ZBTB11: variants seen among roughly 807,000 people sequenced by gnomAD.
The protein encoded by ZBTB11 is zinc finger and BTB domain-containing protein 11.
Under a neutral mutation model 113.1 loss-of-function variants are expected in ZBTB11, and 68 were observed. The ratio of observed to expected loss-of-function variants is 0.60; its 90% CI spans 0.49 to 0.74. The LOEUF is 0.74. ZBTB11 is among the 30% of genes least tolerant of loss of function. The probability of loss-of-function intolerance (pLI) is 0.00; values close to 1 mark genes in which losing one functional copy is unlikely to be tolerated. For missense variants in ZBTB11, 1,104 were observed against 1,279.4 expected, an observed-to-expected ratio of 0.86 and a Z score of 2.09; for synonymous variants, 518 against 452.6, an observed-to-expected ratio of 1.14 and a Z score of -1.83.
intron 6 of ZBTB11, 96 bp from the exon 7 acceptor site, chr3:101,656,344 A>T: frequency 1.4e-6 from 1 of 714,016 alleles, no homozygotes; most frequent in Non-Finnish European, 1.9e-6. Flanking sequence ...ATTTTAAATA[A>T]ATATTTAAAT....
At chr3:101,666,754 TTTTG>T (rs775343347) in intron 3 of ZBTB11, among the ~76,000 whole-genome samples, 2 of 152,124 alleles carry the variant, frequency 1.3e-5, no homozygotes, top group Non-Finnish European at 2.9e-5. Flanking sequence ...ATTTATTTAT[TTTTG>T]TTTATTTTTT....
chr3:101,671,565 A>C, intron 2 of ZBTB11: 1 of 586,354 alleles, frequency 1.7e-6, no homozygotes, highest in South Asian at 2.3e-5. Context: ...CCTAATGAAA[A>C]TCTGTATCTC....
At chr3:101,661,337 A>G (rs1936884141) in intron 5 of ZBTB11, among the ~76,000 whole-genome samples, 2 of 152,112 alleles carry the variant, frequency 1.3e-5, no homozygotes, top group South Asian at 4.1e-4. Context: ...GTCTTGATGA[A>G]TCCCTTGGAC....
At chr3:101,664,355 G>A (rs1936943158) in intron 5 of ZBTB11, among the ~76,000 whole-genome samples, 183 bp downstream of exon 5, 2 of 152,200 alleles carry the variant, frequency 1.3e-5, no homozygotes, top group Non-Finnish European at 2.9e-5. Flanking sequence ...AGAGGAAGCA[G>A]AGATAAGGCT....
chr3:101,657,034 G>A (rs145676729), intron 6 of ZBTB11, among the ~76,000 whole-genome samples: 4,534 of 151,444 alleles, frequency 0.03, 262 homozygotes, highest in African/African-American at 0.11. Context: ...CCAACTACTC[G>A]GGAGGCTGAG....
Position 101,676,955 on chromosome 3 carries a change from TG to T in ZBTB11, c.-42del, listed in dbSNP as rs1376299773. On this transcript the variant is annotated 5_prime_UTR_variant, in exon 1 of 11. Transcript: ENST00000312938. The stretch of plus-strand genomic sequence containing the variant: ...CCTGAGGGCGCCTGTCAGGGACAGG[TG>T]AGGAAAACGGCCCGCTACCTACGGG... The T allele has an allele frequency of 6.6e-7, 1 of 1,506,502 alleles. No individual in the cohort carries two copies. The highest frequency in any genetic ancestry group is 1.3e-5 in the South Asian group (1 of 76,080). 93.3% of individuals were successfully genotyped at this position (1,506,502 alleles called of 1,614,324 possible).
chr3:101,676,366 G>A, intron 1 of ZBTB11: 2 of 397,930 alleles, frequency 5.0e-6, no homozygotes, highest in Non-Finnish European at 8.7e-6. Context: ...CCCGGCCTCC[G>A]GGGAAGCCCC....
rs117996126 is a variant in ZBTB11, at chr3:101,653,919, C to G, written c.2309+785G>C. 3.2e-4 allele frequency among the ~76,000 whole-genome samples: 49 copies of G among 152,288 alleles called. 1 individual carries two copies. The East Asian group carries it at 9.3e-3, about 29-fold the overall frequency. ...GCTTTTGTTTCCTAAGAGACAGGGTCTTGCTATGCTGCCTGCCCAGACTAG... is the reference window on the plus strand; with the variant it reads ...GCTTTTGTTTCCTAAGAGACAGGGTGTTGCTATGCTGCCTGCCCAGACTAG... On this transcript the variant is annotated intron_variant, in intron 8 of 10. Transcript: ENST00000312938.
At chr3:101,668,675 G>T (rs950998837) in intron 3 of ZBTB11, among the ~76,000 whole-genome samples, 19 of 151,302 alleles carry the variant, frequency 1.3e-4, no homozygotes, top group Non-Finnish European at 1.9e-4. Flanking sequence ...ACAAAGAAAG[G>T]TGAATGTTTG....
chr3:101,657,014 A>T (rs1272754323), intron 6 of ZBTB11, among the ~76,000 whole-genome samples: 1 of 151,432 alleles, frequency 6.6e-6, no homozygotes, highest in Non-Finnish European at 1.5e-5. Context: ...GGTGACAGGC[A>T]TCTGTAATCC....
chr3:101,671,155 A>G lies in ZBTB11; in HGVS notation c.753T>C (p.Ser251=). 4 of 1,614,160 alleles carry G rather than the reference A, an allele frequency of 2.5e-6. No individual in the cohort carries two copies. In the South Asian group the frequency reaches 4.4e-5, roughly 18 times the overall value. The change falls in exon 3 of 11, where the codon AGT becomes AGC. Residue 251 remains serine, a synonymous_variant. Coordinates refer to ENST00000312938, the MANE Select transcript of ZBTB11 (RefSeq NM_014415.4). ...CAGAAAGATCCACCACAGCCTCATG[A>G]CTGGAAACAGCTCCTTTCTCAATAA... The part of the protein sequence containing the change: ...DLFIEKGAVS[S]HEAVVDLSGF...
At position 101,676,677 on chromosome 3, in the gene ZBTB11, G is replaced by C; in HGVS notation, c.238C>G (p.Leu80Val). The C allele has an allele frequency of 6.3e-7, 1 of 1,595,148 alleles. No homozygotes were observed. Among genetic ancestry groups the C allele is most frequent in the Non-Finnish European group, 8.6e-7 (1 of 1,169,524 alleles). ...GTGTGGTGAGTGCCGCCGGGACCCA[G>C]GTGCGCCGCCTCGATGAGGTCCCGG... ...RRRDLIEAAH[L>V]GPGGTHHTRH... Residue 80 changes from leucine (L) to valine (V), a missense_variant, in exon 1 of 11, where the codon CTG (leucine) becomes GTG (valine). Physicochemically the swap from Leu to Val is conservative, Grantham distance 32. Transcript: ENST00000312938.
chr3:101,661,106 T>C (rs1936879292), intron 5 of ZBTB11, among the ~76,000 whole-genome samples: 2 of 151,924 alleles, frequency 1.3e-5, no homozygotes, highest in South Asian at 2.1e-4. Context: ...TTATGGTGCA[T>C]GCCTGTGGTC....
Position 101,649,469 on chromosome 3 carries a change from T to A in ZBTB11, c.*1697A>T, listed in dbSNP as rs1450126179. On this transcript the variant is annotated 3_prime_UTR_variant, in exon 11 of 11. Transcript: ENST00000312938. ...GCTTTTCAACAAGATTCAACATCTTTTATTTACATGTTTATGACATACATT... is the reference window on the plus strand; with the variant it reads ...GCTTTTCAACAAGATTCAACATCTTATATTTACATGTTTATGACATACATT... The A allele has an allele frequency of 6.6e-6, 1 of 152,244 alleles. No homozygotes were observed. The highest frequency in any genetic ancestry group is 6.5e-5 in the Admixed American group (1 of 15,284). The allele number at this position is 152,244 out of a possible 1,614,324, so 9.4% of individuals were successfully genotyped here. A position where few individuals can be genotyped will look rare whatever the true frequency, so the allele number is the denominator to read the frequency against.
chr3:101,671,437 A>G, intron 2 of ZBTB11, 76 bp from the exon 3 acceptor site: 1 of 1,012,668 alleles, frequency 9.9e-7, no homozygotes, highest in Non-Finnish European at 1.5e-6. Flanking sequence ...AAAACAAGAC[A>G]CATTACATAT....
intron 5 of ZBTB11, among the ~76,000 whole-genome samples, chr3:101,660,861 T>C (rs1379223136): frequency 6.6e-6 from 1 of 152,182 alleles, no homozygotes; most frequent in Non-Finnish European, 1.5e-5. Flanking sequence ...TTGCACTTAC[T>C]AATTTGCAAT....
chr3:101,652,809 C>T lies in ZBTB11; in HGVS notation c.2439G>A (p.Val813=). Residue 813 remains valine (V), a synonymous_variant, in exon 9 of 11, where the codon GTG becomes GTA. Coordinates refer to ENST00000312938, the MANE Select transcript of ZBTB11 (RefSeq NM_014415.4). The part of the protein sequence containing the change: ...YSWKKDWYSH[V]KSHSVTEPYR... ...AAGGCTCAGTGACAGAATGAGACTTCACATGGGAATACCAATCTTTCTTCC... is the reference window on the plus strand; with the variant it reads ...AAGGCTCAGTGACAGAATGAGACTTTACATGGGAATACCAATCTTTCTTCC... The T allele has an allele frequency of 6.2e-7, 1 of 1,613,844 alleles. No individual in the cohort carries two copies. The highest frequency in any genetic ancestry group is 8.5e-7 in the Non-Finnish European group (1 of 1,179,958).
chr3:101,673,251 G>C (rs181090135), intron 1 of ZBTB11, among the ~76,000 whole-genome samples: 9 of 152,216 alleles, frequency 5.9e-5, no homozygotes, highest in Admixed American at 2.0e-4. Context: ...TTCTATACAA[G>C]AGGAAAATAA....
chr3:101,669,690 T>A (rs1178715552), intron 3 of ZBTB11, among the ~76,000 whole-genome samples: 1 of 151,992 alleles, frequency 6.6e-6, no homozygotes, highest in African/African-American at 2.4e-5. Flanking sequence ...AAAAAAAAAA[T>A]ACCACTAATC....
Sources: gnomAD v4.1 joint callset for allele counts (sites outside exome capture counted in the v4.1 genomes callset) on GRCh38, gnomAD v4.1.1 for gene constraint, MANE v1.5 for transcripts, NCBI Gene and HGNC (gene_info 2026-07-23, HGNC 2026-07-21) for gene names.